Variants in SF3B2 observed in about 807,000 individuals in gnomAD.
SF3B2 encodes splicing factor 3b subunit 2, also known as SAP 145.
Under a neutral mutation model 116.3 loss-of-function variants are expected in SF3B2, and 22 were observed. The ratio of observed to expected loss-of-function variants is 0.19; its 90% confidence interval spans 0.14 to 0.27. The LOEUF (loss-of-function observed/expected upper bound fraction) is 0.27. Among genes scored for constraint, SF3B2 ranks in the 10% least tolerant of loss-of-function variants. The probability of loss-of-function intolerance (pLI) is 1.00; values close to 1 mark genes in which losing one functional copy is unlikely to be tolerated. For missense variants in SF3B2, 767 were observed against 1,151.4 expected, an observed-to-expected ratio of 0.67 and a Z score of 4.83; for synonymous variants, 406 against 421.6, an observed-to-expected ratio of 0.96 and a Z score of 0.45.
intron 5 of SF3B2, chr11:66,055,872 AAAGCC>A (rs1856985006): frequency 7.3e-6 from 3 of 411,674 alleles, no homozygotes; most frequent in Non-Finnish European, 8.6e-6. Flanking sequence ...AGCAACCCAT[AAAGCC>A]TAAAATATTT....
In SF3B2 at chr11:66,060,750, A is replaced by G; in HGVS notation, c.1779+19A>G. Reference sequence around the variant, plus strand: ...CTATGAGGTTCGGGAGGGGGCTGGGAGAGGTCAGGCTGGGCCTTGGGGTTG... The same window carrying G: ...CTATGAGGTTCGGGAGGGGGCTGGGGGAGGTCAGGCTGGGCCTTGGGGTTG... On this transcript the variant is annotated intron_variant, in intron 14 of 21. Transcript: ENST00000322535. The G allele has an allele frequency of 6.2e-7, 1 of 1,613,618 alleles. No individual in the cohort carries two copies. The highest frequency in any genetic ancestry group is 8.5e-7 in the Non-Finnish European group (1 of 1,179,634).
intron 14 of SF3B2, 40 bp downstream of exon 14, chr11:66,060,771 G>T (rs776469537): frequency 1.9e-6 from 3 of 1,600,698 alleles, no homozygotes; most frequent in Non-Finnish European, 2.6e-6. Context: ...TGGGCCTTGG[G>T]GTTGAGACTG....
At chr11:66,063,791 A>G (rs1857135627) in intron 19 of SF3B2, 62 bp downstream of exon 19, 1 of 1,336,730 alleles carries the variant, frequency 7.5e-7, no homozygotes, top group Admixed American at 2.5e-5. Flanking sequence ...TGGCTGGCTG[A>G]CTGTTGTTCC....
At chr11:66,057,972 CAAAAA>C in intron 7 of SF3B2, 77 bp from the exon 8 acceptor site, 1 of 809,768 alleles carries the variant, frequency 1.2e-6, no homozygotes, top group South Asian at 1.7e-5. Context: ...AACTCCGTCT[CAAAAA>C]AAAAAAAAAG....
intron 3 of SF3B2, chr11:66,053,374 C>T: frequency 2.1e-6 from 1 of 479,340 alleles, no homozygotes; most frequent in Non-Finnish European, 3.8e-6. Flanking sequence ...TTTCCACTGT[C>T]TGCTTCTCCA....
At chr11:66,052,922 C>T (rs1053529207) in intron 2 of SF3B2, 105 bp from the exon 3 acceptor site, 1 of 1,306,812 alleles carries the variant, frequency 7.7e-7, no homozygotes, top group Non-Finnish European at 1.1e-6. Flanking sequence ...AGCCAGAGCG[C>T]TGGCAGACAG....
chr11:66,063,183 G>C, intron 17 of SF3B2, 67 bp downstream of exon 17: 1 of 1,262,518 alleles, frequency 7.9e-7, no homozygotes, highest in East Asian at 2.3e-5. Flanking sequence ...TTGGTTTATA[G>C]CTTCATTATC....
chr11:66,056,701 G>A (rs1857001243), intron 5 of SF3B2, 137 bp from the exon 6 acceptor site: 2 of 649,396 alleles, frequency 3.1e-6, no homozygotes, highest in Non-Finnish European at 5.7e-6. Context: ...AAGTGTGGGG[G>A]TGGAGGGGAT....
Position 66,059,678 on chromosome 11 carries a change from T to A in SF3B2, c.1401+83T>A. 3 of 1,589,374 alleles carry A rather than the reference T, an allele frequency of 1.9e-6. No homozygotes were observed. The highest frequency in any genetic ancestry group is 3.3e-5 in the Admixed American group (2 of 59,748). ...GCCAGGGAGGTGAAAAGGAGTTCTT[T>A]GAAGGAGGTGTGGGTGATTTGGGTT... On this transcript the variant is annotated intron_variant, in intron 12 of 21. Transcript: ENST00000322535. This position sits in a 1 kb window ranked among gnomAD's most constrained non-coding sequence, Gnocchi z 5.0.
chr11:66,055,342 G>A, intron 4 of SF3B2, 27 bp downstream of exon 4: 1 of 1,603,662 alleles, frequency 6.2e-7, no homozygotes, highest in Non-Finnish European at 8.5e-7. Flanking sequence ...CCCTGGCCTT[G>A]GACTCATTAG....
chr11:66,068,106 TCTGA>T (rs923832254), intron 20 of SF3B2, 38 bp from the exon 21 acceptor site: 71 of 1,612,692 alleles, frequency 4.4e-5, no homozygotes, highest in Non-Finnish European at 5.9e-5. Context: ...CTAGGGCTTC[TCTGA>T]CTCTTTGGAG....
chr11:66,061,670 T>A lies in SF3B2; in HGVS notation c.1780-16T>A, dbSNP rs756466354. ...TGTCTGGGTCTACAATGTAGCATGC[T>A]CTGCTTTTCCCTCAGGGGAAGGAGT... On this transcript the variant is annotated splice_polypyrimidine_tract_variant and intron_variant, in intron 14 of 21. Coordinates refer to ENST00000322535, the MANE Select transcript of SF3B2 (RefSeq NM_006842.3). 1 of 1,601,934 alleles carries A rather than the reference T, an allele frequency of 6.2e-7. No homozygotes were observed. The highest frequency in any genetic ancestry group is 8.6e-7 in the Non-Finnish European group (1 of 1,168,842).
intron 7 of SF3B2, 57 bp from the exon 8 acceptor site, chr11:66,057,995 GAA>G: frequency 4.0e-6 from 4 of 994,246 alleles, no homozygotes; most frequent in Admixed American, 3.2e-5. Context: ...AAGAAAGAAA[GAA>G]AAAAAAAAGA....
chr11:66,053,413 G>A (rs182937440), intron 3 of SF3B2: 2 of 404,214 alleles, frequency 4.9e-6, no homozygotes, highest in East Asian at 4.9e-5. Context: ...GTGCAGTGGC[G>A]CATGCCTGTA....
At position 66,059,170 on chromosome 11, in the gene SF3B2, G is replaced by A. The variant is rs1190765991; in HGVS notation, c.1183-31G>A. ...TTAGGAACTGGGAAGGGGCTCAGAG[G>A]GCAGGGGTTTCACCTTGTCTGCCTC... On this transcript the variant is annotated intron_variant, in intron 10 of 21. Coordinates refer to ENST00000322535, the MANE Select transcript of SF3B2 (RefSeq NM_006842.3). The surrounding 1 kb of genome is among the most constrained non-coding windows in gnomAD (Gnocchi z 5.0). 1.9e-6 allele frequency: 3 copies of A among 1,613,784 alleles called. No homozygotes were observed. The highest frequency in any genetic ancestry group is 2.2e-5 in the East Asian group (1 of 44,878).
intron 14 of SF3B2, 148 bp downstream of exon 14, chr11:66,060,879 A>G: frequency 1.2e-6 from 1 of 844,540 alleles, no homozygotes; most frequent in Non-Finnish European, 1.8e-6. Context: ...GGCTCACTGT[A>G]ACCTCTGCCT....
intron 3 of SF3B2, 180 bp downstream of exon 3, chr11:66,053,284 C>G: frequency 1.6e-6 from 1 of 639,498 alleles, no homozygotes; most frequent in Non-Finnish European, 2.8e-6. Context: ...CTCTCACTTG[C>G]AGTTGTTGGG....
intron 19 of SF3B2, chr11:66,067,411 T>C: frequency 2.2e-6 from 1 of 456,292 alleles, no homozygotes; most frequent in Non-Finnish European, 4.4e-6. Flanking sequence ...GATTGTCACC[T>C]CTTCCAGCGG....
Position 66,059,393 on chromosome 11 carries a change from A to G in SF3B2, c.1320+55A>G. 1 of 1,612,234 alleles carries G rather than the reference A, an allele frequency of 6.2e-7. No individual in the cohort carries two copies. The highest frequency in any genetic ancestry group is 8.5e-7 in the Non-Finnish European group (1 of 1,178,654). ...GGGACTCTGGGCACAGGTGGCTGAG[A>G]TGCATCCAGAGAGGGACCATGGTGA... On this transcript the variant is annotated intron_variant, in intron 11 of 21. Coordinates refer to ENST00000322535, the MANE Select transcript of SF3B2 (RefSeq NM_006842.3). This position sits in a 1 kb window ranked among gnomAD's most constrained non-coding sequence, Gnocchi z 5.0.
Sources: gnomAD v4.1 joint callset for allele counts on GRCh38, gnomAD v4.1.1 for gene constraint, Gnocchi (gnomAD v3.1) non-coding constraint, MANE v1.5 for transcripts, NCBI Gene and HGNC (gene_info 2026-07-23, HGNC 2026-07-21) for gene names.